Variants in RANBP9 observed in about 807,000 individuals in gnomAD.
RANBP9 encodes the protein ran-binding protein 9.
A neutral mutation model predicts 84.3 loss-of-function variants in RANBP9; 15 were observed. The ratio of observed to expected loss-of-function variants is 0.18; its 90% CI spans 0.12 to 0.27. The LOEUF is 0.27. Among genes scored for constraint, RANBP9 ranks in the 10% least tolerant of loss-of-function variants. RANBP9 has a pLI of 1.00. For synonymous variants in RANBP9, 392 were observed against 349.6 expected, an observed-to-expected ratio of 1.12 and a Z score of -1.35; for missense variants, 809 against 912.8, an observed-to-expected ratio of 0.89 and a Z score of 1.46.
intron 2 of RANBP9, among the ~76,000 whole-genome samples, chr6:13,665,516 G>A (rs1016308037): frequency 6.6e-6 from 1 of 152,128 alleles, no homozygotes; most frequent in Non-Finnish European, 1.5e-5. Context: ...TGGCACAACA[G>A]GAACTTTCAT....
chr6:13,632,838 TAAAA>T (rs372574264), intron 11 of RANBP9: 2,330 of 121,584 alleles, frequency 0.019, 67 homozygotes, highest in African/African-American at 0.068. Flanking sequence ...AAGCAACATT[TAAAA>T]AAAAAAAAAA....
At chr6:13,677,150 CA>C (rs2113320272) in intron 2 of RANBP9, among the ~76,000 whole-genome samples, 1 of 152,144 alleles carries the variant, frequency 6.6e-6, no homozygotes, top group Admixed American at 6.5e-5. Context: ...AAAAAATAAG[CA>C]ATCATAGCAA....
At chr6:13,701,585 C>T (rs1199060081) in intron 1 of RANBP9, among the ~76,000 whole-genome samples, 1 of 151,930 alleles carries the variant, frequency 6.6e-6, no homozygotes, top group Non-Finnish European at 1.5e-5. Context: ...CCAGCCTGGC[C>T]AACATAAAAC....
At chr6:13,680,264 A>G (rs1766002884) in intron 2 of RANBP9, among the ~76,000 whole-genome samples, 1 of 152,328 alleles carries the variant, frequency 6.6e-6, no homozygotes, top group South Asian at 2.1e-4. Flanking sequence ...ATCATACGAA[A>G]AAACTTTTCT....
chr6:13,686,075 T>C (rs932492485), intron 2 of RANBP9, among the ~76,000 whole-genome samples: 1 of 150,234 alleles, frequency 6.7e-6, no homozygotes, highest in African/African-American at 2.4e-5. Flanking sequence ...TACTTTTTTT[T>C]CTTTCCTGAA....
At chr6:13,638,142 T>C (rs1460899190) in intron 9 of RANBP9, among the ~76,000 whole-genome samples, 187 bp from the exon 10 acceptor site, 3 of 152,188 alleles carry the variant, frequency 2.0e-5, no homozygotes, top group Non-Finnish European at 4.4e-5. Context: ...AATTATTACC[T>C]CATCTAACAT....
At chr6:13,636,207 C>T (rs189382007) in intron 10 of RANBP9, among the ~76,000 whole-genome samples, 5 of 152,276 alleles carry the variant, frequency 3.3e-5, no homozygotes, top group Non-Finnish European at 4.4e-5. Flanking sequence ...AATCCTGAAA[C>T]GCAGCCTCAG....
intron 4 of RANBP9, among the ~76,000 whole-genome samples, chr6:13,653,030 C>A (rs1765328672): frequency 6.6e-6 from 1 of 152,050 alleles, no homozygotes; most frequent in South Asian, 2.1e-4. Flanking sequence ...TATTTTTTAA[C>A]CCCAAGTTGC....
chr6:13,672,078 T>G (rs923623541), intron 2 of RANBP9, among the ~76,000 whole-genome samples: 11 of 152,124 alleles, frequency 7.2e-5, no homozygotes, highest in African/African-American at 2.7e-4. Flanking sequence ...AACTTGAGCT[T>G]TAACTTGTGA....
At chr6:13,698,249 G>A (rs138794636) in intron 1 of RANBP9, among the ~76,000 whole-genome samples, 4 of 152,286 alleles carry the variant, frequency 2.6e-5, no homozygotes, top group South Asian at 2.1e-4. Context: ...TGACCATAAG[G>A]AGTCAACAAG....
chr6:13,626,043 A>G (rs1468381671), intron 12 of RANBP9, among the ~76,000 whole-genome samples: 1 of 152,244 alleles, frequency 6.6e-6, no homozygotes, highest in Non-Finnish European at 1.5e-5. Context: ...AAAGGAATGA[A>G]CTAGTACTGG....
intron 5 of RANBP9, among the ~76,000 whole-genome samples, chr6:13,648,926 C>G (rs1344162764): frequency 6.6e-6 from 1 of 152,140 alleles, no homozygotes; most frequent in Non-Finnish European, 1.5e-5. Flanking sequence ...ATTAGTTATA[C>G]TTAATGTCAT....
At chr6:13,656,511 C>T (rs754205948) in intron 4 of RANBP9, among the ~76,000 whole-genome samples, 4 of 152,048 alleles carry the variant, frequency 2.6e-5, no homozygotes, top group Non-Finnish European at 5.9e-5. Context: ...TACTATTAGT[C>T]TTACAATGTA....
intron 4 of RANBP9, among the ~76,000 whole-genome samples, chr6:13,655,098 C>T (rs1310831744): frequency 6.6e-6 from 1 of 152,234 alleles, no homozygotes; most frequent in African/African-American, 2.4e-5. Context: ...TCTTACTAAC[C>T]ACTGTTATAC....
intron 1 of RANBP9, among the ~76,000 whole-genome samples, chr6:13,698,726 C>A (rs1316364603): frequency 6.6e-6 from 1 of 152,146 alleles, no homozygotes; most frequent in Non-Finnish European, 1.5e-5. Context: ...TCCAAAACAA[C>A]CCCATGAGGT....
At chr6:13,632,674 T>C in intron 11 of RANBP9, 153 bp from the exon 12 acceptor site, 1 of 716,264 alleles carries the variant, frequency 1.4e-6, no homozygotes, top group Non-Finnish European at 2.3e-6. Flanking sequence ...ATTTTTAATA[T>C]GAAACTGCAG....
chr6:13,634,448 T>G lies in RANBP9; in HGVS notation c.1778A>C (p.Asp593Ala), dbSNP rs751214595. The G allele has an allele frequency of 6.2e-6, 10 of 1,613,518 alleles. No individual in the cohort carries two copies. Among genetic ancestry groups the G allele is most frequent in the African/African-American group, 4.0e-5 (3 of 74,916 alleles). The change falls in exon 11 of 14, where the codon GAT (aspartate) becomes GCT (alanine). Residue 593 changes from aspartate (D) to alanine (A), a missense_variant. Around this residue, in one of 5 missense-constraint regions of RANBP9, gnomAD observed 233 missense variants for 234.4 expected, o/e 0.99. Coordinates refer to ENST00000011619, the MANE Select transcript of RANBP9 (RefSeq NM_005493.3). ...GSSKHDHEME[D>A]CDTEMEVDSS... ...CTGCAGACCCATTTCGGTGTCACAA[T>G]CTTCCATTTCGTGGTCATGTTTAGA... is the stretch of plus-strand genomic sequence containing the variant.
chr6:13,649,002 G>C (rs1765234892), intron 5 of RANBP9, among the ~76,000 whole-genome samples: 1 of 152,174 alleles, frequency 6.6e-6, no homozygotes, highest in Admixed American at 6.5e-5. Flanking sequence ...GGTTTTCAAA[G>C]CTGTATAAAC....
Position 13,657,248 on chromosome 6 carries a change from A to G in RANBP9, c.765T>C (p.His255=). The change falls in exon 4 of 14, where the codon CAT becomes CAC. Residue 255 remains histidine, a synonymous_variant. Transcript: ENST00000011619. ...AACAAAACGAATGTCCATCATCCCC[A>G]TGGTAACCATATGAATGCTTATCCC... ...PGWDKHSYGY[H]GDDGHSFCSS... 1.9e-6 allele frequency: 3 copies of G among 1,613,212 alleles called. No individual in the cohort carries two copies. The highest frequency in any genetic ancestry group is 2.5e-6 in the Non-Finnish European group (3 of 1,179,524).
Sources: gnomAD v4.1 joint callset for allele counts (sites outside exome capture counted in the v4.1 genomes callset) on GRCh38, gnomAD v4.1.1 for gene constraint, gnomAD v4.1.1 regional missense constraint, MANE v1.5 for transcripts, NCBI Gene and HGNC (gene_info 2026-07-23, HGNC 2026-07-21) for gene names.